The following AGAP1 variants were observed in gnomAD, a reference collection of about 807,000 sequenced individuals.
The protein encoded by AGAP1 is ArfGAP with GTPase domain, ankyrin repeat and PH domain 1.
Under a neutral mutation model 105.3 loss-of-function variants are expected in AGAP1, and 29 were observed. The observed-to-expected ratio is 0.28, with a 90% CI of 0.21 to 0.38. The LOEUF (loss-of-function observed/expected upper bound fraction) is 0.38. Among genes scored for constraint, AGAP1 ranks in the 10% least tolerant of loss-of-function variants. The pLI, the probability that AGAP1 is intolerant of heterozygous loss-of-function variation, is 1.00. For missense variants in AGAP1, 998 were observed against 1,165.1 expected (o/e 0.86, Z 2.09); for synonymous variants, 509 against 485.9 (o/e 1.05, Z -0.63).
Position 235,883,689 on chromosome 2 carries a change from C to A in AGAP1, c.1155+240C>A, listed in dbSNP as rs558884854. Among the ~76,000 whole-genome samples the A allele has an allele frequency of 4.1e-4, 63 of 152,082 alleles. No individual in the cohort carries two copies. Among genetic ancestry groups the A allele is most frequent in the African/African-American group, 1.5e-3 (61 of 41,450 alleles). ...GGCTTTCCAATTCTACAAAGAATTA[C>A]AATAAAAGGCACAGATGAAGTAAAA... On this transcript the variant is annotated intron_variant, in intron 10 of 17. Transcript: ENST00000304032. This position sits in a 1 kb window ranked among gnomAD's most constrained non-coding sequence, Gnocchi z 4.5.
At chr2:235,946,999 ACTC>A (rs1341303605) in intron 12 of AGAP1, among the ~76,000 whole-genome samples, 1 of 150,968 alleles carries the variant, frequency 6.6e-6, no homozygotes, top group Non-Finnish European at 1.5e-5. Flanking sequence ...TTTGTCATCT[ACTC>A]CTTCCTTTCC....
In AGAP1 at chr2:235,953,204, G is replaced by A. The variant is rs144975947; in HGVS notation, c.1484-15258G>A. 3.6e-3 allele frequency among the ~76,000 whole-genome samples: 548 copies of A among 152,224 alleles called. 5 individuals carry two copies. Among genetic ancestry groups the A allele is most frequent in the African/African-American group, 0.012 (497 of 41,544 alleles). ...AACAAGAAGTTTTTCAAATATTTTA[G>A]GTGTTTACAAAATATTTCTATGAGG... On this transcript the variant is annotated intron_variant, in intron 12 of 17. Transcript: ENST00000304032. This position sits in a 1 kb window ranked among gnomAD's most constrained non-coding sequence, Gnocchi z 5.2.
intron 1 of AGAP1, among the ~76,000 whole-genome samples, chr2:235,508,935 G>A (rs1192337344): frequency 1.3e-5 from 2 of 152,220 alleles, no homozygotes; most frequent in African/African-American, 4.8e-5. Context: ...TCCAGTGCAC[G>A]GGCGGGATGC....
At chr2:236,070,414 A>G (rs1299076047) in intron 16 of AGAP1, among the ~76,000 whole-genome samples, 4 of 152,132 alleles carry the variant, frequency 2.6e-5, no homozygotes, top group Non-Finnish European at 4.4e-5. Context: ...TTACGGGGCT[A>G]CTCTGTGGCC....
In AGAP1 at chr2:235,750,454, A is replaced by G. The variant is rs769351419; in HGVS notation, c.639A>G (p.Thr213=). Reference sequence around the variant, plus strand: ...GCACGTACTACGAGACGTGTGCTACATACGGGCTGAATGTGGAGAGGGTCT... The same window carrying G: ...GCACGTACTACGAGACGTGTGCTACGTACGGGCTGAATGTGGAGAGGGTCT... ...KRCTYYETCA[T]YGLNVERVFQ... is the part of the protein sequence containing the mutation. Residue 213 remains threonine (T), a synonymous_variant, in exon 6 of 18, where the codon ACA becomes ACG. Transcript: ENST00000304032. The surrounding 1 kb of genome is among the most constrained non-coding windows in gnomAD (Gnocchi z 5.3). 18 of 1,614,112 alleles carry G rather than the reference A, an allele frequency of 1.1e-5. No homozygotes were observed. The Middle Eastern group carries it at 6.6e-4, about 59-fold the overall frequency.
chr2:235,703,277 A>G (rs956471654), intron 1 of AGAP1, among the ~76,000 whole-genome samples: 5 of 151,944 alleles, frequency 3.3e-5, no homozygotes, highest in Non-Finnish European at 7.4e-5. Flanking sequence ...AGGACTTGGC[A>G]GGCCATGTGT....
At position 236,036,446 on chromosome 2, in the gene AGAP1, C is replaced by T. The variant is rs2057384585; in HGVS notation, c.1646-115C>T. On this transcript the variant is annotated intron_variant, in intron 13 of 17. Coordinates refer to ENST00000304032, the MANE Select transcript of AGAP1 (RefSeq NM_001037131.3). This position sits in a 1 kb window ranked among gnomAD's most constrained non-coding sequence, Gnocchi z 5.7. ...GCCGTGGTTGTCCAGTGCCGTGCGC[C>T]TCACCGGTCCATGCAGGGGCAGCTG... The T allele has an allele frequency of 7.2e-7, 1 of 1,393,924 alleles. No individual in the cohort carries two copies. Among genetic ancestry groups the T allele is most frequent in the Admixed American group, 2.1e-5 (1 of 48,510 alleles). 86.3% of individuals were successfully genotyped at this position (1,393,924 alleles called of 1,614,324 possible).
At position 235,658,568 on chromosome 2, in the gene AGAP1, G is replaced by A. The variant is rs569648404; in HGVS notation, c.164-50611G>A. 2.6e-5 allele frequency among the ~76,000 whole-genome samples: 4 copies of A among 152,280 alleles called. No homozygotes were observed. In the East Asian group the frequency reaches 7.7e-4, roughly 29 times the overall value. On this transcript the variant is annotated intron_variant, in intron 1 of 17. Coordinates refer to ENST00000304032, the MANE Select transcript of AGAP1 (RefSeq NM_001037131.3). The stretch of plus-strand genomic sequence containing the variant: ...AGTGTCCGGGTGAGAGGGTGCTGGG[G>A]GCACGTGCCCAGCAGGGGTGGAGGG...
At chr2:235,652,378 T>C (rs12991596) in intron 1 of AGAP1, among the ~76,000 whole-genome samples, 75,004 of 151,748 alleles carry the variant, frequency 0.49, 18,522 homozygotes, top group South Asian at 0.54. Flanking sequence ...ACCCCTGTCC[T>C]CTGCATGCTT....
At chr2:235,859,407 C>CG (rs1242565345) in intron 9 of AGAP1, among the ~76,000 whole-genome samples, 1 of 131,700 alleles carries the variant, frequency 7.6e-6, no homozygotes, top group Non-Finnish European at 1.7e-5. Context: ...CCCCCCCCCC[C>CG]GCCTTTTGTT....
chr2:235,822,546 T>TCAAGGGTGAGGAGGAGCTGGAGAAGCC (rs1044467076), intron 9 of AGAP1, among the ~76,000 whole-genome samples: 54 of 150,646 alleles, frequency 3.6e-4, no homozygotes, highest in African/African-American at 1.2e-3. Flanking sequence ...CTGAAGAAGC[T>TCAAGGGTGAGGAGGAGCTGGAGAAGCC]CAAGGGTGAG....
intron 1 of AGAP1, among the ~76,000 whole-genome samples, chr2:235,554,895 C>T (rs973911237): frequency 5.3e-5 from 8 of 152,162 alleles, no homozygotes; most frequent in Non-Finnish European, 1.2e-4. Context: ...GTCTCAAACT[C>T]CTGACCTTAG....
rs926840649 is a variant in AGAP1, at chr2:235,951,170, CTG to C, written c.1484-17289_1484-17288del. ...GAAATAAAGAAGACACATTTGGCCA[CTG>C]TGATGGAGCTGCTTTGAAAGGCTGT... On this transcript the variant is annotated intron_variant, in intron 12 of 17. Transcript: ENST00000304032. This position sits in a 1 kb window ranked among gnomAD's most constrained non-coding sequence, Gnocchi z 4.2. Among the ~76,000 whole-genome samples the C allele has an allele frequency of 7.0e-4, 107 of 152,298 alleles. 1 individual carries two copies. The highest frequency in any genetic ancestry group is 2.3e-3 in the African/African-American group (95 of 41,570).
rs1435193784 is a variant in AGAP1 at position 235,582,020 on chromosome 2, C to G, written c.163+87171C>G. 6.6e-6 allele frequency among the ~76,000 whole-genome samples: 1 copy of G among 152,064 alleles called. No individual in the cohort carries two copies. The highest frequency in any genetic ancestry group is 2.4e-5 in the African/African-American group (1 of 41,388). On this transcript the variant is annotated intron_variant, in intron 1 of 17. Transcript: ENST00000304032. The surrounding 1 kb of genome is among the most constrained non-coding windows in gnomAD (Gnocchi z 4.7). ...TGAGTGTTGATGTCCTTCAGCAACC[C>G]AACATATTAACGCAGTCTTTAGGAG...
intron 11 of AGAP1, among the ~76,000 whole-genome samples, chr2:235,918,549 T>G (rs1423370060): frequency 6.6e-6 from 1 of 152,212 alleles, no homozygotes; most frequent in African/African-American, 2.4e-5. Flanking sequence ...TGTTTATACA[T>G]TGCTCCCACT....
In AGAP1 at chr2:235,572,976, T is replaced by TTTC. The variant is rs1172737406; in HGVS notation, c.163+78211_163+78213dup. Among the ~76,000 whole-genome samples, 208 of 104,012 alleles carry TTTC rather than the reference T, an allele frequency of 2.0e-3. 6 individuals are homozygous for TTTC. The highest frequency in any genetic ancestry group is 8.9e-3 in the Middle Eastern group (2 of 224). The allele number at this position is 104,012 out of a possible 152,430, so 68.2% of individuals were successfully genotyped here. A position where few individuals can be genotyped will look rare whatever the true frequency, so the allele number is the denominator to read the frequency against. On this transcript the variant is annotated intron_variant, in intron 1 of 17. Transcript: ENST00000304032. The stretch of plus-strand genomic sequence containing the variant: ...CAGACTCCCCGATTGCTCCATCTTT[T>TTTC]TTCTTCTTCTTCTTCTTCTTCTTCT...
Position 235,919,923 on chromosome 2 carries a change from G to A in AGAP1, c.1325-10842G>A, listed in dbSNP as rs913889378. ...GGATTGTGGCCAAGACAAGCCGTAC[G>A]ATGGCGCTCTCCATAAACACTGTCG... On this transcript the variant is annotated intron_variant, in intron 11 of 17. Transcript: ENST00000304032. This position sits in a 1 kb window ranked among gnomAD's most constrained non-coding sequence, Gnocchi z 4.1. Among the ~76,000 whole-genome samples the A allele has an allele frequency of 6.6e-6, 1 of 152,194 alleles. No homozygotes were observed. The highest frequency in any genetic ancestry group is 2.4e-5 in the African/African-American group (1 of 41,454).
chr2:235,796,145 T>C (rs554946098), intron 6 of AGAP1, among the ~76,000 whole-genome samples: 2 of 152,222 alleles, frequency 1.3e-5, no homozygotes, highest in African/African-American at 4.8e-5. Context: ...TTCAGTGTAA[T>C]TGATAATCAA....
intron 1 of AGAP1, chr2:235,670,776 TG>T: frequency 8.4e-7 from 1 of 1,192,252 alleles, no homozygotes; most frequent in Non-Finnish European, 1.2e-6. Context: ...CTCTCGGACC[TG>T]GAGCGTTGGG....
Sources: allele counts gnomAD v4.1 joint callset (sites outside exome capture counted in the v4.1 genomes callset), GRCh38; gene constraint gnomAD v4.1.1; non-coding constraint Gnocchi (gnomAD v3.1); transcripts MANE v1.5; gene names NCBI Gene and HGNC (gene_info 2026-07-23, HGNC 2026-07-21).